CA8: variants seen among roughly 807,000 people sequenced by gnomAD.
CA8 encodes carbonic anhydrase-related protein.
Under a neutral mutation model 41.4 loss-of-function variants are expected in CA8, and 22 were observed. The ratio of observed to expected loss-of-function variants is 0.53; its 90% CI spans 0.38 to 0.76. The LOEUF is 0.76. CA8 is among the 30% of genes least tolerant of loss of function. The pLI, the probability that CA8 is intolerant of heterozygous loss-of-function variation, is 0.00. For synonymous variants in CA8, 121 were observed against 130.6 expected (o/e 0.93, Z 0.50); for missense variants, 270 against 352.8 (o/e 0.77, Z 1.88).
chr8:60,241,961 G>C (rs998645653), intron 3 of CA8, among the ~76,000 whole-genome samples: 1 of 152,184 alleles, frequency 6.6e-6, no homozygotes, highest in African/African-American at 2.4e-5. Context: ...CCCTGAATGA[G>C]AGCCACGATG....
intron 3 of CA8, chr8:60,265,607 C>A: frequency 2.9e-6 from 1 of 341,866 alleles, no homozygotes; most frequent in South Asian, 2.8e-5. Context: ...CGTCACCTAT[C>A]CAAAGCATCC....
chr8:60,278,161 T>C (rs1456376552), intron 2 of CA8, among the ~76,000 whole-genome samples: 1 of 152,178 alleles, frequency 6.6e-6, no homozygotes, highest in Non-Finnish European at 1.5e-5. Flanking sequence ...AATGGTAAGT[T>C]CAAATTGATG....
At position 60,226,897 on chromosome 8, in the gene CA8, T is replaced by G; in HGVS notation, c.552A>C (p.Glu184Asp). 2 of 1,600,690 alleles carry G rather than the reference T, an allele frequency of 1.2e-6. No individual in the cohort carries two copies. Among genetic ancestry groups the G allele is most frequent in the Non-Finnish European group, 1.7e-6 (2 of 1,168,010 alleles). ...KEHVGLKAVT[E>D]ILQDIQYKGK... ...CCTTATACTGAATATCTTGGAGGAT[T>G]TCAGTCACAGCCTTCAAGCCAACAT... The change falls in exon 5 of 9, where the codon GAA becomes GAC. Residue 184 changes from glutamate (E) to aspartate (D), a missense_variant. Around this residue, in one of 3 missense-constraint regions of CA8, gnomAD observed 141 missense variants for 191.6 expected, o/e 0.74. Coordinates refer to ENST00000317995, the MANE Select transcript of CA8 (RefSeq NM_004056.6).
intron 1 of CA8, 128 bp from the exon 2 acceptor site, chr8:60,280,008 A>C (rs1298823010): frequency 1.5e-6 from 1 of 671,062 alleles, no homozygotes; most frequent in African/African-American, 1.8e-5. Context: ...CACTATACAG[A>C]TGAAATATGG....
intron 3 of CA8, among the ~76,000 whole-genome samples, chr8:60,255,074 C>A (rs181090214): frequency 6.6e-6 from 1 of 152,186 alleles, no homozygotes; most frequent in Admixed American, 6.5e-5. Context: ...ACTAATGGGA[C>A]CGCTGCTTCC....
intron 1 of CA8, among the ~76,000 whole-genome samples, chr8:60,280,585 T>G (rs1009647924): frequency 1.3e-5 from 2 of 152,198 alleles, no homozygotes; most frequent in African/African-American, 4.8e-5. Context: ...TTAGAAAGAC[T>G]TGAGCATTGC....
intron 7 of CA8, among the ~76,000 whole-genome samples, chr8:60,210,111 C>G (rs896535460): frequency 6.6e-6 from 1 of 152,154 alleles, no homozygotes; most frequent in East Asian, 1.9e-4. Context: ...TTGAAAATTA[C>G]CAGATTAGCT....
chr8:60,270,448 C>T (rs984438850), intron 2 of CA8, among the ~76,000 whole-genome samples: 1 of 152,192 alleles, frequency 6.6e-6, no homozygotes, highest in Non-Finnish European at 1.5e-5. Context: ...TGGAGTCTTG[C>T]TCTGTCATCC....
chr8:60,213,998 C>G (rs959773896), intron 7 of CA8, among the ~76,000 whole-genome samples: 1 of 152,204 alleles, frequency 6.6e-6, no homozygotes, highest in African/African-American at 2.4e-5. Flanking sequence ...GCAACTACCC[C>G]AGACCTACTG....
rs1554573722 is a variant in CA8 at position 60,190,957 on chromosome 8, T to TATATATATATAC, written c.*36-973_*36-972insGTATATATATAT. Reference sequence around the variant, plus strand: ...CACACACTATATATATATATATATATACACACACACATTTCTACATATGCA... The same window carrying TATATATATATAC: ...CACACACTATATATATATATATATATATATATATATACACACACACACATTTCTACATATGCA... On this transcript the variant is annotated intron_variant, in intron 8 of 8. Coordinates refer to ENST00000317995, the MANE Select transcript of CA8 (RefSeq NM_004056.6). Among the ~76,000 whole-genome samples the TATATATATATAC allele has an allele frequency of 9.5e-4, 99 of 104,236 alleles. 1 individual carries two copies. Among genetic ancestry groups the TATATATATATAC allele is most frequent in the African/African-American group, 3.0e-3 (88 of 29,120 alleles). 68.4% of individuals were successfully genotyped at this position (104,236 alleles called of 152,430 possible).
intron 3 of CA8, among the ~76,000 whole-genome samples, chr8:60,235,503 T>C (rs10108007): frequency 0.38 from 57,156 of 152,106 alleles, 10,975 homozygotes; most frequent in Admixed American, 0.44. Context: ...CCTTTGCTTT[T>C]TGCTCACCAT....
At chr8:60,197,656 C>A (rs761950538) in intron 8 of CA8, among the ~76,000 whole-genome samples, 25 of 152,162 alleles carry the variant, frequency 1.6e-4, no homozygotes, top group Non-Finnish European at 3.4e-4. Flanking sequence ...ACCCCCAGTG[C>A]TGGGGATGCT....
At chr8:60,237,455 G>C (rs1249302726) in intron 3 of CA8, among the ~76,000 whole-genome samples, 1 of 152,232 alleles carries the variant, frequency 6.6e-6, no homozygotes, top group Non-Finnish European at 1.5e-5. Flanking sequence ...TTTCTAAGGA[G>C]AGCAAGGGTC....
At chr8:60,231,722 G>A (rs370495204) in intron 4 of CA8, among the ~76,000 whole-genome samples, 2 of 152,118 alleles carry the variant, frequency 1.3e-5, no homozygotes, top group East Asian at 1.9e-4. Flanking sequence ...CTGAAAGCAC[G>A]TGGCCTGCTT....
chr8:60,201,634 T>C (rs1030427606), intron 8 of CA8, among the ~76,000 whole-genome samples: 4 of 152,204 alleles, frequency 2.6e-5, no homozygotes, highest in Admixed American at 2.0e-4. Flanking sequence ...GTTGCATCAC[T>C]ATATAACAAT....
intron 3 of CA8, among the ~76,000 whole-genome samples, chr8:60,244,579 C>T (rs1318764278): frequency 6.6e-6 from 1 of 152,130 alleles, no homozygotes; most frequent in Admixed American, 6.5e-5. Flanking sequence ...AAATTCAGCA[C>T]TATTTCATTT....
In CA8 at chr8:60,224,432, A is replaced by G. The variant is rs200370300; in HGVS notation, c.625+105T>C. The G allele has an allele frequency of 1.0e-4, 75 of 748,312 alleles. No homozygotes were observed. In the East Asian group the frequency reaches 1.4e-3, roughly 14 times the overall value. 46.4% of individuals were successfully genotyped at this position (748,312 alleles called of 1,614,324 possible). A position where few individuals can be genotyped will look rare whatever the true frequency, so the allele number is the denominator to read the frequency against. ...CTGCTAAACAGAATACAAATTGCAAATAAGTTTTATTAATTAACAATATAT... is the reference window on the plus strand; with the variant it reads ...CTGCTAAACAGAATACAAATTGCAAGTAAGTTTTATTAATTAACAATATAT... On this transcript the variant is annotated intron_variant, in intron 6 of 8. Coordinates refer to ENST00000317995, the MANE Select transcript of CA8 (RefSeq NM_004056.6).
chr8:60,274,323 G>T (rs1481266822), intron 2 of CA8, among the ~76,000 whole-genome samples: 1 of 152,184 alleles, frequency 6.6e-6, no homozygotes, highest in African/African-American at 2.4e-5. Context: ...GAGAACAAGA[G>T]CAAAAGAGAA....
chr8:60,278,895 T>A (rs7464681), intron 2 of CA8, among the ~76,000 whole-genome samples: 2,980 of 152,294 alleles, frequency 0.02, 83 homozygotes, highest in African/African-American at 0.066. Flanking sequence ...TCCTAATATT[T>A]CAACATACTT....
Sources: allele counts gnomAD v4.1 joint callset (sites outside exome capture counted in the v4.1 genomes callset), GRCh38; gene constraint gnomAD v4.1.1; regional missense constraint gnomAD v4.1.1; transcripts MANE v1.5; gene names NCBI Gene and HGNC (gene_info 2026-07-23, HGNC 2026-07-21).